The following FSTL5 variants were observed in gnomAD, a reference collection of about 807,000 sequenced individuals.
FSTL5 encodes follistatin-related protein 5.
FSTL5 carries 62 observed loss-of-function variants against 89.1 expected under a neutral mutation model. That is an observed-to-expected ratio of 0.70 (90% confidence interval 0.57 to 0.86). The LOEUF (loss-of-function observed/expected upper bound fraction) is 0.86. Among genes scored for constraint, FSTL5 ranks in the 40% least tolerant of loss-of-function variants. The pLI is 0.00. For synonymous variants in FSTL5, 383 were observed against 346.2 expected (o/e 1.11, Z -1.18); for missense variants, 1,057 against 1,001.6 (o/e 1.06, Z -0.75).
At chr4:161,494,555 G>GT (rs1729998440) in intron 12 of FSTL5, among the ~76,000 whole-genome samples, 1 of 152,126 alleles carries the variant, frequency 6.6e-6, no homozygotes, top group African/African-American at 2.4e-5. Flanking sequence ...TTCTTGAAAC[G>GT]TAAGTATTCT....
At chr4:161,936,045 T>G (rs1661754059) in intron 3 of FSTL5, among the ~76,000 whole-genome samples, 1 of 152,108 alleles carries the variant, frequency 6.6e-6, no homozygotes, top group Non-Finnish European at 1.5e-5. Flanking sequence ...TAGCTGGGCC[T>G]GGATCATGCA....
intron 2 of FSTL5, among the ~76,000 whole-genome samples, chr4:162,066,489 T>C (rs538914756): frequency 2.1e-4 from 31 of 150,952 alleles, no homozygotes; most frequent in Non-Finnish European, 2.7e-4. Flanking sequence ...TAGGTATACA[T>C]GTGCCATGGT....
chr4:161,631,383 C>T (rs1735502150), intron 7 of FSTL5, among the ~76,000 whole-genome samples: 1 of 152,074 alleles, frequency 6.6e-6, no homozygotes. Flanking sequence ...TTTGGGAGGC[C>T]AAGGCAGATG....
intron 15 of FSTL5, among the ~76,000 whole-genome samples, chr4:161,415,197 A>G (rs1475623492): frequency 3.9e-5 from 6 of 152,188 alleles, no homozygotes; most frequent in Non-Finnish European, 8.8e-5. Flanking sequence ...TTTAAGAGTT[A>G]CAATATACAA....
chr4:161,656,282 C>T, intron 7 of FSTL5, 46 bp downstream of exon 7: 1 of 1,079,794 alleles, frequency 9.3e-7, no homozygotes, highest in East Asian at 2.7e-5. Context: ...TGGAGTATAT[C>T]ACATGAAATA....
intron 4 of FSTL5, among the ~76,000 whole-genome samples, chr4:161,779,812 TATATATATATA>T (rs1741587640): frequency 1.2e-5 from 1 of 84,180 alleles, no homozygotes; most frequent in Non-Finnish European, 2.4e-5. Context: ...TATATATATG[TATATATATATA>T]TATATATATA....
At chr4:162,160,122 AT>A in intron 1 of FSTL5, among the ~76,000 whole-genome samples, 1 of 113,240 alleles carries the variant, frequency 8.8e-6, no homozygotes, top group East Asian at 2.6e-4. Context: ...GTAAATATAT[AT>A]GTACACACAT....
At chr4:162,084,474 G>T (rs1393196438) in intron 2 of FSTL5, among the ~76,000 whole-genome samples, 1 of 151,962 alleles carries the variant, frequency 6.6e-6, no homozygotes, top group Non-Finnish European at 1.5e-5. Flanking sequence ...TTCTGCACAT[G>T]TATGTTTATT....
At chr4:161,584,310 CCAAA>C (rs375486764) in intron 8 of FSTL5, among the ~76,000 whole-genome samples, 23 of 152,278 alleles carry the variant, frequency 1.5e-4, no homozygotes, top group African/African-American at 4.6e-4. Flanking sequence ...GAATCTTTTC[CCAAA>C]CAGTCTGTCT....
chr4:161,915,064 G>T (rs1733800715), intron 4 of FSTL5, among the ~76,000 whole-genome samples: 2 of 152,182 alleles, frequency 1.3e-5, no homozygotes, highest in Non-Finnish European at 2.9e-5. Context: ...TAGATGGGAA[G>T]CCTCTGCCCT....
At chr4:162,008,676 A>G (rs1198652857) in intron 3 of FSTL5, among the ~76,000 whole-genome samples, 1 of 151,946 alleles carries the variant, frequency 6.6e-6, no homozygotes, top group East Asian at 1.9e-4. Flanking sequence ...TATAGGAAAT[A>G]GACACCATTA....
intron 1 of FSTL5, among the ~76,000 whole-genome samples, chr4:162,146,027 A>G (rs887603119): frequency 1.3e-5 from 2 of 152,176 alleles, no homozygotes; most frequent in African/African-American, 4.8e-5. Context: ...CAGTTTCATA[A>G]TAATAGTTAA....
intron 6 of FSTL5, among the ~76,000 whole-genome samples, chr4:161,670,132 TTGGTATTTTCACTTAC>T (rs1737048484): frequency 6.6e-6 from 1 of 152,226 alleles, no homozygotes; most frequent in Admixed American, 6.5e-5. Flanking sequence ...TTTTAAAGTT[TTGGTATTTTCACTTAC>T]TAACGAAATT....
intron 4 of FSTL5, among the ~76,000 whole-genome samples, chr4:161,853,676 T>C (rs1323671178): frequency 6.6e-6 from 1 of 152,206 alleles, no homozygotes; most frequent in Non-Finnish European, 1.5e-5. Flanking sequence ...CTATAATAGT[T>C]TGATATTATT....
chr4:162,137,755 C>A (rs756332223), intron 1 of FSTL5, among the ~76,000 whole-genome samples: 2 of 152,276 alleles, frequency 1.3e-5, no homozygotes, highest in South Asian at 4.1e-4. Flanking sequence ...AGACAAAAAA[C>A]GCTTTTGTTT....
chr4:161,864,069 G>T (rs1302365245), intron 4 of FSTL5, among the ~76,000 whole-genome samples: 1 of 152,148 alleles, frequency 6.6e-6, no homozygotes, highest in Non-Finnish European at 1.5e-5. Context: ...CGGACCTGTG[G>T]ATTAGTTTGG....
intron 2 of FSTL5, among the ~76,000 whole-genome samples, chr4:162,039,035 A>T (rs868768354): frequency 7.2e-5 from 11 of 151,858 alleles, no homozygotes; most frequent in South Asian, 2.1e-4. Flanking sequence ...GAATGAGACT[A>T]GTCATGTGCT....
At chr4:161,483,638 T>C (rs1263682178) in intron 12 of FSTL5, among the ~76,000 whole-genome samples, 1 of 152,216 alleles carries the variant, frequency 6.6e-6, no homozygotes, top group East Asian at 1.9e-4. Context: ...TTATATTATT[T>C]CTCACTTTAC....
chr4:162,027,943 C>T (rs1383286606), intron 3 of FSTL5, among the ~76,000 whole-genome samples: 1 of 152,066 alleles, frequency 6.6e-6, no homozygotes, highest in Admixed American at 6.6e-5. Context: ...AATGCAATTG[C>T]TATGACATAA....
Sources: allele counts gnomAD v4.1 joint callset (sites outside exome capture counted in the v4.1 genomes callset), GRCh38; gene constraint gnomAD v4.1.1; transcripts MANE v1.5; gene names NCBI Gene and HGNC (gene_info 2026-07-23, HGNC 2026-07-21).